The following PODNL1 variants were observed in gnomAD, a reference collection of about 807,000 sequenced individuals.
The protein encoded by PODNL1 is podocan like 1, also known as podocan-like protein 1.
A neutral mutation model predicts 45.1 loss-of-function variants in PODNL1; 50 were observed. The observed-to-expected ratio is 1.11, with a 90% CI of 0.88 to 1.40. The LOEUF (loss-of-function observed/expected upper bound fraction) is 1.40, where lower values mean the gene tolerates loss of function less well. Ranked by LOEUF, PODNL1 falls within the 40% of genes most tolerant of loss-of-function variation. The pLI, the probability that PODNL1 is intolerant of heterozygous loss-of-function variation, is 0.00. For missense variants in PODNL1, 788 were observed against 793.3 expected (o/e 0.99, Z 0.08); for synonymous variants, 406 against 372.5 (o/e 1.09, Z -1.04).
In PODNL1 at chr19:13,931,850, C is replaced by A. The variant is rs1250173235; in HGVS notation, c.1612G>T (p.Ala538Ser). 8.1e-7 allele frequency: 1 copy of A among 1,231,838 alleles called. No individual in the cohort carries two copies. The highest frequency in any genetic ancestry group is 1.0e-6 in the Non-Finnish European group (1 of 987,928). The allele number at this position is 1,231,838 out of a possible 1,614,324, so 76.3% of individuals were successfully genotyped here. Residue 538 changes from alanine (A) to serine (S), a missense_variant, in exon 10 of 10, where the codon GCC becomes TCC. Physicochemically the swap from Ala to Ser is moderately conservative, Grantham distance 99. Transcript: ENST00000588872. The stretch of plus-strand genomic sequence containing the variant: ...CGCAGGTTTGGGAGCCCCAGGAAGG[C>A]CTCAGCCGCGATGCTCGTCATGTGA... ...RLHMTSIAAE[A>S]FLGLPNLRVV...
intron 2 of PODNL1, 56 bp downstream of exon 2, chr19:13,937,728 TC>T: frequency 6.7e-7 from 1 of 1,493,866 alleles, no homozygotes; most frequent in East Asian, 2.5e-5. Context: ...CCCCTCCAGC[TC>T]CCCTCACCAC....
chr19:13,946,431 G>GAA (rs57032297), intron 1 of PODNL1, among the ~76,000 whole-genome samples: 33 of 144,646 alleles, frequency 2.3e-4, no homozygotes, highest in African/African-American at 4.3e-4. Context: ...CTCTGTCTTG[G>GAA]AAAAAAAAAA....
upstream of PODNL1, among the ~76,000 whole-genome samples, chr19:13,941,759 GC>G (rs1432334461): frequency 6.6e-6 from 1 of 152,168 alleles, no homozygotes; most frequent in Non-Finnish European, 1.5e-5. Flanking sequence ...GTTGCAGTGA[GC>G]CGAGATTGCA....
chr19:13,941,143 A>G (rs1301433232), upstream of PODNL1, among the ~76,000 whole-genome samples: 9 of 152,066 alleles, frequency 5.9e-5, no homozygotes, highest in Non-Finnish European at 1.0e-4. Flanking sequence ...AGGCAGGTGG[A>G]TCACCTGAGG....
intron 5 of PODNL1, 28 bp from the exon 6 acceptor site, chr19:13,934,438 G>A (rs200090191): frequency 1.3e-5 from 19 of 1,473,518 alleles, no homozygotes; most frequent in Admixed American, 2.6e-5. Flanking sequence ...CCGGCCACCA[G>A]CCTGCCCCTC....
intron 1 of PODNL1, among the ~76,000 whole-genome samples, chr19:13,946,802 C>T (rs969138069): frequency 6.6e-5 from 10 of 151,814 alleles, no homozygotes; most frequent in Admixed American, 2.6e-4. Flanking sequence ...CCTGTAATTC[C>T]AGCACTTTGG....
intron 1 of PODNL1, among the ~76,000 whole-genome samples, chr19:13,944,344 T>C (rs1972750834): frequency 6.6e-6 from 1 of 151,814 alleles, no homozygotes; most frequent in Non-Finnish European, 1.5e-5. Context: ...TTTGTATTTT[T>C]AGTAGAGACA....
chr19:13,934,732 A>C (rs1568433392), intron 5 of PODNL1, among the ~76,000 whole-genome samples: 2 of 151,160 alleles, frequency 1.3e-5, no homozygotes, highest in African/African-American at 4.9e-5. Flanking sequence ...GTGGGCGTGC[A>C]TGTGTGTATG....
At chr19:13,931,914 C>T in intron 9 of PODNL1, 27 bp from the exon 10 acceptor site, 1 of 1,232,116 alleles carries the variant, frequency 8.1e-7, no homozygotes, top group Non-Finnish European at 1.0e-6. Flanking sequence ...TCATGACCCT[C>T]CCAGGCCCTC....
intron 5 of PODNL1, among the ~76,000 whole-genome samples, chr19:13,935,086 G>T (rs1972251714): frequency 6.6e-6 from 1 of 152,016 alleles, no homozygotes; most frequent in African/African-American, 2.4e-5. Flanking sequence ...GTGATTGTGT[G>T]TGCATGAGCA....
At chr19:13,932,378 A>T in intron 8 of PODNL1, 1 of 484,486 alleles carries the variant, frequency 2.1e-6, no homozygotes, top group Non-Finnish European at 3.4e-6. Context: ...TTTTTTTTTC[A>T]AGAGACAGGG....
In PODNL1 at chr19:13,932,906, G is replaced by A. The variant is rs542388413; in HGVS notation, c.1317C>T (p.Pro439=). The change falls in exon 8 of 10, where the codon CCC becomes CCT. Residue 439 remains proline, a synonymous_variant. Transcript: ENST00000588872. The stretch of plus-strand genomic sequence containing the variant: ...GTTGGTCCAGGCCGGCCAGAGGCTC[G>A]GGCTCGAGCATCCGCAGCTGGTTGC... ...LQRNQLRMLE[P]EPLAGLDQLR... is the part of the protein sequence containing the mutation. The A allele has an allele frequency of 1.1e-5, 18 of 1,590,976 alleles. No homozygotes were observed. The highest frequency in any genetic ancestry group is 6.9e-5 in the East Asian group (3 of 43,788).
chr19:13,945,886 T>TA (rs113155307), intron 1 of PODNL1, among the ~76,000 whole-genome samples: 112,960 of 138,884 alleles, frequency 0.81, 44,744 homozygotes, highest in Non-Finnish European at 0.84. Context: ...GAGACTCCAT[T>TA]AAAAAAAAAA....
At position 13,931,465 on chromosome 19, in the gene PODNL1, T is replaced by C. The variant is rs1971936704; in HGVS notation, c.*272A>G. 8.3e-6 allele frequency: 3 copies of C among 363,482 alleles called. No individual in the cohort carries two copies. The highest frequency in any genetic ancestry group is 1.5e-5 in the Non-Finnish European group (3 of 204,622). 22.5% of individuals were successfully genotyped at this position (363,482 alleles called of 1,614,324 possible). ...GAGCCCCCAAAGGGTGCCTGGTCCG[T>C]GCTGAGTGCTGGAAGGGTTTGGCTT... On this transcript the variant is annotated 3_prime_UTR_variant, in exon 10 of 10. Transcript: ENST00000588872.
chr19:13,931,341 T>G lies in PODNL1; in HGVS notation c.*396A>C. On this transcript the variant is annotated 3_prime_UTR_variant, in exon 10 of 10. Transcript: ENST00000588872. ...ACAGGGTGCTGTTTGGTGACCCCAGTGTGTGCCTCAAGACCTCAAAATTCA... is the reference window on the plus strand; with the variant it reads ...ACAGGGTGCTGTTTGGTGACCCCAGGGTGTGCCTCAAGACCTCAAAATTCA... 1 of 182,692 alleles carries G rather than the reference T, an allele frequency of 5.5e-6. No individual in the cohort carries two copies. The highest frequency in any genetic ancestry group is 1.1e-5 in the Non-Finnish European group (1 of 88,776). 11.3% of individuals were successfully genotyped at this position (182,692 alleles called of 1,614,324 possible).
Position 13,933,834 on chromosome 19 carries a change from G to A in PODNL1, c.767+44C>T, listed in dbSNP as rs759223800. 5.4e-5 allele frequency: 81 copies of A among 1,513,322 alleles called. No individual in the cohort carries two copies. The highest frequency in any genetic ancestry group is 2.3e-4 in the Middle Eastern group (1 of 4,398). The allele number at this position is 1,513,322 out of a possible 1,614,324, so 93.7% of individuals were successfully genotyped here. A position where few individuals can be genotyped will look rare whatever the true frequency, so the allele number is the denominator to read the frequency against. On this transcript the variant is annotated intron_variant, in intron 7 of 9. Transcript: ENST00000588872. This position sits in a 1 kb window ranked among gnomAD's most constrained non-coding sequence, Gnocchi z 5.2. ...AGGGGGACTGAAGGTTGGGACCCCCGACTGTAAATTCTCAGCCCCTGCTGC... is the reference window on the plus strand; with the variant it reads ...AGGGGGACTGAAGGTTGGGACCCCCAACTGTAAATTCTCAGCCCCTGCTGC...
rs796793438 is a variant in PODNL1, at chr19:13,947,481, C to CA, written c.18+5637dup. Among the ~76,000 whole-genome samples, 1,003 of 120,634 alleles carry CA rather than the reference C, an allele frequency of 8.3e-3. 10 individuals are homozygous for CA. Among genetic ancestry groups the CA allele is most frequent in the African/African-American group, 0.027 (868 of 32,580 alleles). The allele number at this position is 120,634 out of a possible 152,430, so 79.1% of individuals were successfully genotyped here. ...GGGTGACAAGAGCAAAACTCCACCT[C>CA]AAAAAAAAAAAGAAAAAAAAAAGAA... On this transcript the variant is annotated intron_variant, in intron 1 of 7. Transcript: ENST00000538371.
chr19:13,944,802 G>C (rs1449132318), intron 1 of PODNL1, among the ~76,000 whole-genome samples: 2 of 150,434 alleles, frequency 1.3e-5, no homozygotes, highest in East Asian at 3.9e-4. Flanking sequence ...TTGAGAGGGA[G>C]TCTCACTCTG....
At chr19:13,935,696 G>C (rs1325877888) in intron 5 of PODNL1, 25 bp downstream of exon 5, 2 of 1,482,872 alleles carry the variant, frequency 1.3e-6, no homozygotes, top group African/African-American at 2.8e-5. Context: ...TGAGGCCTGG[G>C]GGCCTGGGCT....
Sources: allele counts gnomAD v4.1 joint callset (sites outside exome capture counted in the v4.1 genomes callset), GRCh38; gene constraint gnomAD v4.1.1; non-coding constraint Gnocchi (gnomAD v3.1); transcripts MANE v1.5; gene names NCBI Gene and HGNC (gene_info 2026-07-23, HGNC 2026-07-21).